TRIP12: variants seen among roughly 807,000 people sequenced by gnomAD.
TRIP12 encodes the protein thyroid hormone receptor interactor 12, also known as E3 ubiquitin-protein ligase TRIP12.
A neutral mutation model predicts 244.2 loss-of-function variants in TRIP12; 25 were observed. That is an observed-to-expected ratio of 0.10 (90% CI 0.07 to 0.14). The LOEUF is 0.14. Among genes scored for constraint, TRIP12 ranks in the 10% least tolerant of loss-of-function variants. The pLI is 1.00. For synonymous variants in TRIP12, 905 were observed against 873.1 expected (o/e 1.04, Z -0.64); for missense variants, 1,677 against 2,486.4 (o/e 0.67, Z 6.92).
intron 4 of TRIP12, among the ~76,000 whole-genome samples, chr2:229,842,709 C>CAGTA (rs2056738316): frequency 6.6e-6 from 1 of 152,096 alleles, no homozygotes; most frequent in African/African-American, 2.4e-5. Context: ...CAGTAATAGA[C>CAGTA]AGTAGCACAC....
intron 6 of TRIP12, among the ~76,000 whole-genome samples, chr2:229,835,330 C>G (rs557871756): frequency 6.3e-4 from 96 of 152,328 alleles, no homozygotes; most frequent in Admixed American, 2.5e-3. Flanking sequence ...TTTAGAAAGG[C>G]AGTCGGATGA....
intron 1 of TRIP12, among the ~76,000 whole-genome samples, chr2:229,916,471 C>T (rs780758906): frequency 4.6e-5 from 7 of 152,192 alleles, no homozygotes; most frequent in African/African-American, 7.2e-5. Context: ...AGGAGAATCA[C>T]TTGAACCTGG....
intron 23 of TRIP12, 109 bp from the exon 24 acceptor site, chr2:229,797,940 TAC>T (rs2043219651): frequency 2.5e-6 from 3 of 1,176,918 alleles, no homozygotes; most frequent in Non-Finnish European, 1.2e-6. Context: ...GGTCTATGCT[TAC>T]AGTTTAAAAA....
chr2:229,827,808 T>C (rs1278927221), intron 8 of TRIP12, among the ~76,000 whole-genome samples: 4 of 152,336 alleles, frequency 2.6e-5, no homozygotes, highest in African/African-American at 9.6e-5. Flanking sequence ...TTTCTTAAAA[T>C]ATTGTAAGAT....
At chr2:229,782,144 T>A in intron 34 of TRIP12, among the ~76,000 whole-genome samples, 1 of 152,164 alleles carries the variant, frequency 6.6e-6, no homozygotes, top group East Asian at 1.9e-4. Context: ...GCAAAGGTCC[T>A]GCAGTCTCAT....
At chr2:229,785,956 A>C in intron 33 of TRIP12, 101 bp from the exon 34 acceptor site, 2 of 1,027,170 alleles carry the variant, frequency 1.9e-6, no homozygotes, top group Non-Finnish European at 1.4e-6. Flanking sequence ...AGATCAACTC[A>C]ATTGTTAACA....
rs1414743364 is a variant in TRIP12 at position 229,885,790 on chromosome 2, C to G, written c.-49-5662G>C. Among the ~76,000 whole-genome samples, 3 of 152,130 alleles carry G rather than the reference C, an allele frequency of 2.0e-5. No homozygotes were observed. In the East Asian group the frequency reaches 5.8e-4, roughly 29 times the overall value. Reference sequence around the variant, plus strand: ...ACAATGACAAGACAATCCCTCCTCACAAGGAGCTTACTGCTCTGTATCGCC... The same window carrying G: ...ACAATGACAAGACAATCCCTCCTCAGAAGGAGCTTACTGCTCTGTATCGCC... On this transcript the variant is annotated intron_variant, in intron 1 of 41. Transcript: ENST00000675903.
intron 2 of TRIP12, among the ~76,000 whole-genome samples, chr2:229,874,248 AT>A (rs1318691600): frequency 4.6e-5 from 7 of 152,134 alleles, no homozygotes; most frequent in African/African-American, 1.7e-4. Flanking sequence ...AAACCAAGGA[AT>A]TCTTTTTCCC....
chr2:229,815,366 A>G (rs1325975887), intron 9 of TRIP12, 58 bp from the exon 10 acceptor site: 4 of 1,003,682 alleles, frequency 4.0e-6, no homozygotes, highest in African/African-American at 1.7e-5. Context: ...TCCTAGAGGT[A>G]TTTCTTCCTC....
chr2:229,901,365 A>G (rs1002606035), intron 1 of TRIP12, among the ~76,000 whole-genome samples: 26 of 151,930 alleles, frequency 1.7e-4, no homozygotes, highest in African/African-American at 4.6e-4. Flanking sequence ...TTACGCTTGT[A>G]ATCCCAGCAC....
At chr2:229,843,904 G>A (rs2057039659) in intron 4 of TRIP12, among the ~76,000 whole-genome samples, 1 of 151,652 alleles carries the variant, frequency 6.6e-6, no homozygotes, top group Non-Finnish European at 1.5e-5. Context: ...AAAAGGAAGG[G>A]AGGGGAGAAG....
At chr2:229,837,363 G>A (rs1182608783) in intron 5 of TRIP12, among the ~76,000 whole-genome samples, 5 of 152,088 alleles carry the variant, frequency 3.3e-5, no homozygotes, top group African/African-American at 7.2e-5. Context: ...GGCTGGGTAC[G>A]GTAGCTCATG....
At chr2:229,768,982 TA>T (rs1304594991) in intron 40 of TRIP12, among the ~76,000 whole-genome samples, 1 of 152,196 alleles carries the variant, frequency 6.6e-6, no homozygotes, top group East Asian at 1.9e-4. Context: ...GGAACAAGAT[TA>T]AATCTGTCTT....
intron 2 of TRIP12, among the ~76,000 whole-genome samples, chr2:229,874,668 G>A (rs986813856): frequency 2.0e-5 from 3 of 151,500 alleles, no homozygotes; most frequent in African/African-American, 7.3e-5. Flanking sequence ...GATCTCTGTG[G>A]AATTTTGAAA....
intron 33 of TRIP12, 57 bp downstream of exon 33, chr2:229,787,448 T>C (rs2040390937): frequency 1.9e-6 from 3 of 1,551,162 alleles, no homozygotes; most frequent in Non-Finnish European, 2.6e-6. Flanking sequence ...ACATTTCTAG[T>C]TTTTCCCATT....
At chr2:229,871,613 T>C (rs1489024878) in intron 2 of TRIP12, among the ~76,000 whole-genome samples, 1 of 152,204 alleles carries the variant, frequency 6.6e-6, no homozygotes, top group East Asian at 1.9e-4. Flanking sequence ...CAGGAGCAGA[T>C]GCCAGCGCCA....
chr2:229,922,684 G>T, upstream of TRIP12: 1 of 1,498,180 alleles, frequency 6.7e-7, no homozygotes, highest in Non-Finnish European at 9.2e-7. Context: ...CGCAGGCTGT[G>T]CTAGGCCAAG....
At chr2:229,786,142 C>T (rs1441165543) in intron 33 of TRIP12, among the ~76,000 whole-genome samples, 2 of 152,114 alleles carry the variant, frequency 1.3e-5, no homozygotes, top group Admixed American at 6.5e-5. Context: ...ATCGTCTTTG[C>T]CAAATATCAG....
intron 4 of TRIP12, among the ~76,000 whole-genome samples, chr2:229,845,999 A>C (rs953480381): frequency 1.6e-5 from 2 of 128,830 alleles, no homozygotes; most frequent in African/African-American, 2.8e-5. Context: ...ACAGATCGAG[A>C]GCCTCTCTTT....
Sources: allele counts gnomAD v4.1 joint callset (sites outside exome capture counted in the v4.1 genomes callset), GRCh38; gene constraint gnomAD v4.1.1; transcripts MANE v1.5; gene names NCBI Gene and HGNC (gene_info 2026-07-23, HGNC 2026-07-21).